Variants in PTER observed in about 807,000 individuals in gnomAD.
The protein encoded by PTER is N-acetyltaurine hydrolase.
Under a neutral mutation model 29.6 loss-of-function variants are expected in PTER, and 38 were observed. The ratio of observed to expected loss-of-function variants is 1.28; its 90% CI spans 0.99 to 1.68. PTER has a LOEUF of 1.68. PTER is among the 40% of genes most tolerant of loss of function. The pLI is 0.00. For missense variants in PTER, 482 were observed against 427.8 expected (o/e 1.13, Z -1.12); for synonymous variants, 172 against 154.5 (o/e 1.11, Z -0.84).
At chr10:16,440,087 G>T (rs1163529390) in intron 1 of PTER, among the ~76,000 whole-genome samples, 3 of 98,276 alleles carry the variant, frequency 3.1e-5, no homozygotes, top group East Asian at 4.0e-4. Flanking sequence ...TTTTTTTGTG[G>T]CAGGGTCTCA....
chr10:16,471,462 A>C (rs1835052209), intron 1 of PTER, among the ~76,000 whole-genome samples: 1 of 151,212 alleles, frequency 6.6e-6, no homozygotes. Flanking sequence ...AATTGTAATG[A>C]AGGAAAAAAA....
intron 3 of PTER, among the ~76,000 whole-genome samples, chr10:16,488,257 AC>A (rs1835774974): frequency 1.3e-5 from 2 of 152,178 alleles, no homozygotes; most frequent in Admixed American, 1.3e-4. Context: ...GACTCTTTGG[AC>A]CCAGTGAGAA....
At chr10:16,458,873 T>C (rs1015622103) in intron 1 of PTER, among the ~76,000 whole-genome samples, 2 of 152,212 alleles carry the variant, frequency 1.3e-5, no homozygotes, top group Admixed American at 1.3e-4. Flanking sequence ...TTTTGTTTCA[T>C]TTTTGAAGTG....
chr10:16,453,979 A>G lies in PTER; in HGVS notation c.-49+16932A>G, dbSNP rs550098729. Among the ~76,000 whole-genome samples, 52 of 152,288 alleles carry G rather than the reference A, an allele frequency of 3.4e-4. No individual in the cohort carries two copies. The South Asian group carries it at 0.01, about 30-fold the overall frequency. On this transcript the variant is annotated intron_variant, in intron 1 of 4. Transcript: ENST00000535784. ...GTCCTCAGACTAAGTGATTTGCCCAAATATGTGCTTCTGGCATATCAGCTG... is the reference window on the plus strand; with the variant it reads ...GTCCTCAGACTAAGTGATTTGCCCAGATATGTGCTTCTGGCATATCAGCTG...
chr10:16,502,687 T>C (rs948644244), intron 3 of PTER, among the ~76,000 whole-genome samples: 1 of 152,074 alleles, frequency 6.6e-6, no homozygotes, highest in Non-Finnish European at 1.5e-5. Context: ...GGTTCTCCTG[T>C]GGTTTATAAG....
At chr10:16,455,872 T>G (rs1250952171) in intron 1 of PTER, among the ~76,000 whole-genome samples, 1 of 152,238 alleles carries the variant, frequency 6.6e-6, no homozygotes, top group Non-Finnish European at 1.5e-5. Context: ...CACAGCTTGT[T>G]GGTAAAAGTA....
At chr10:16,484,147 C>T (rs998985444) in intron 1 of PTER, among the ~76,000 whole-genome samples, 190 bp from the exon 2 acceptor site, 2 of 152,108 alleles carry the variant, frequency 1.3e-5, no homozygotes, top group South Asian at 2.1e-4. Context: ...ATTAACACCA[C>T]GCACGTCACT....
rs1836843121 is a variant in PTER, at chr10:16,512,278, A to T, written c.*1022A>T. 6.6e-6 allele frequency: 1 copy of T among 152,166 alleles called. No individual in the cohort carries two copies. The highest frequency in any genetic ancestry group is 2.4e-5 in the African/African-American group (1 of 41,456). 9.4% of individuals were successfully genotyped at this position (152,166 alleles called of 1,614,324 possible). A position where few individuals can be genotyped will look rare whatever the true frequency, so the allele number is the denominator to read the frequency against. On this transcript the variant is annotated 3_prime_UTR_variant, in exon 5 of 5. Transcript: ENST00000535784. ...AATGTTTTTAAAACCTGTTAGTTAA[A>T]ACACTTAGGTGATGGGCACTGCTGC...
At chr10:16,485,137 A>G (rs1451118830) in intron 2 of PTER, among the ~76,000 whole-genome samples, 1 of 152,180 alleles carries the variant, frequency 6.6e-6, no homozygotes, top group Non-Finnish European at 1.5e-5. Context: ...CAGTATTGGC[A>G]CCACAGTCTA....
At chr10:16,497,304 G>T (rs933647162) in intron 3 of PTER, among the ~76,000 whole-genome samples, 1 of 152,130 alleles carries the variant, frequency 6.6e-6, no homozygotes, top group African/African-American at 2.4e-5. Context: ...CAACTCAAAT[G>T]AATCAAAGTG....
At chr10:16,498,386 C>T (rs11254029) in intron 3 of PTER, among the ~76,000 whole-genome samples, 1 of 151,812 alleles carries the variant, frequency 6.6e-6, no homozygotes. Context: ...GAGTTTGAGA[C>T]CAGCCTGGCC....
chr10:16,443,724 C>G (rs1833920212), intron 1 of PTER, among the ~76,000 whole-genome samples: 1 of 152,312 alleles, frequency 6.6e-6, no homozygotes, highest in Non-Finnish European at 1.5e-5. Context: ...GAATGACAAA[C>G]ATCCAAATAT....
chr10:16,508,567 G>C (rs924733504), intron 4 of PTER, among the ~76,000 whole-genome samples: 1 of 152,084 alleles, frequency 6.6e-6, no homozygotes, highest in Non-Finnish European at 1.5e-5. Context: ...TCAGATGACC[G>C]ATGGCTCCCC....
chr10:16,483,262 T>A (rs1835547876), intron 1 of PTER, among the ~76,000 whole-genome samples: 1 of 152,200 alleles, frequency 6.6e-6, no homozygotes, highest in Non-Finnish European at 1.5e-5. Context: ...GATTTCAGTT[T>A]CAATAAATCA....
chr10:16,439,404 G>T (rs1833770392), intron 1 of PTER, among the ~76,000 whole-genome samples: 1 of 152,190 alleles, frequency 6.6e-6, no homozygotes, highest in African/African-American at 2.4e-5. Context: ...GAGCCAAATA[G>T]AAGCAGAGAG....
At chr10:16,518,115 G>A (rs144376383), downstream of PTER, among the ~76,000 whole-genome samples, 673 of 152,282 alleles carry the variant, frequency 4.4e-3, 8 homozygotes, top group African/African-American at 0.015. Flanking sequence ...GAGGGAACCT[G>A]CCATTCTAAG....
chr10:16,508,315 G>A (rs182898635), intron 4 of PTER, among the ~76,000 whole-genome samples: 1,524 of 152,076 alleles, frequency 0.01, 11 homozygotes, highest in Non-Finnish European at 0.015. Flanking sequence ...TGATCCGCCC[G>A]CCTCGGCCTC....
At chr10:16,468,998 A>G (rs1834947670) in intron 1 of PTER, among the ~76,000 whole-genome samples, 1 of 152,128 alleles carries the variant, frequency 6.6e-6, no homozygotes, top group Non-Finnish European at 1.5e-5. Context: ...CCAAAAAACA[A>G]AAATCAGAAG....
At chr10:16,438,432 A>C (rs1213872266) in intron 1 of PTER, among the ~76,000 whole-genome samples, 3 of 147,992 alleles carry the variant, frequency 2.0e-5, no homozygotes, top group African/African-American at 7.5e-5. Flanking sequence ...ACAGGTGCAC[A>C]CCACCACGCC....
Sources: gnomAD v4.1 joint callset for allele counts (sites outside exome capture counted in the v4.1 genomes callset) on GRCh38, gnomAD v4.1.1 for gene constraint, MANE v1.5 for transcripts, NCBI Gene and HGNC (gene_info 2026-07-23, HGNC 2026-07-21) for gene names.